GSR: variants seen among roughly 807,000 people sequenced by gnomAD.
GSR encodes the protein glutathione-disulfide reductase, also known as glutathione reductase, mitochondrial.
A neutral mutation model predicts 56.5 loss-of-function variants in GSR; 48 were observed. The ratio of observed to expected loss-of-function variants is 0.85; its 90% CI spans 0.67 to 1.08. The LOEUF is 1.08. GSR is among the 50% of genes least tolerant of loss of function. The probability of loss-of-function intolerance (pLI) is 0.00; values close to 1 mark genes in which losing one functional copy is unlikely to be tolerated. For synonymous variants in GSR, 264 were observed against 270.8 expected, an observed-to-expected ratio of 0.97 and a Z score of 0.25; for missense variants, 694 against 703.3, an observed-to-expected ratio of 0.99 and a Z score of 0.15.
At chr8:30,711,623 G>A (rs1353415065) in intron 2 of GSR, among the ~76,000 whole-genome samples, 5 of 152,144 alleles carry the variant, frequency 3.3e-5, no homozygotes, top group Non-Finnish European at 1.5e-5. Flanking sequence ...CCTGAGGTCA[G>A]GAGTTCGAGA....
At chr8:30,717,706 A>G (rs1417196051) in intron 1 of GSR, among the ~76,000 whole-genome samples, 1 of 152,012 alleles carries the variant, frequency 6.6e-6, no homozygotes, top group Non-Finnish European at 1.5e-5. Context: ...TAGTTGCAGG[A>G]AAACAAGCTC....
intron 9 of GSR, 118 bp downstream of exon 9, chr8:30,689,043 G>A: frequency 2.4e-6 from 2 of 850,726 alleles, no homozygotes; most frequent in Non-Finnish European, 3.9e-6. Flanking sequence ...TGAATACATG[G>A]GAAAAAGAGA....
At chr8:30,685,195 C>T (rs1365203646) in intron 9 of GSR, among the ~76,000 whole-genome samples, 1 of 152,022 alleles carries the variant, frequency 6.6e-6, no homozygotes, top group African/African-American at 2.4e-5. Flanking sequence ...CTCCTGACCT[C>T]GTGATCCACC....
chr8:30,709,239 C>A (rs527658082), intron 3 of GSR, among the ~76,000 whole-genome samples: 3 of 152,142 alleles, frequency 2.0e-5, no homozygotes, highest in East Asian at 3.9e-4. Flanking sequence ...GTGGCACGTG[C>A]CTGTAGTCCC....
chr8:30,689,353 G>A (rs201958981), intron 8 of GSR, 34 bp from the exon 9 acceptor site: 1 of 1,568,796 alleles, frequency 6.4e-7, no homozygotes, highest in South Asian at 1.1e-5. Flanking sequence ...CACATGTGTG[G>A]AGGCTCAGGG....
intron 5 of GSR, among the ~76,000 whole-genome samples, chr8:30,700,722 C>CAAAAAAAAAAAAAAA (rs1563535549): frequency 2.7e-3 from 23 of 8,432 alleles, no homozygotes; most frequent in African/African-American, 3.6e-3. Flanking sequence ...GATTTTGTCT[C>CAAAAAAAAAAAAAAA]CAAAAAAAAA....
intron 8 of GSR, among the ~76,000 whole-genome samples, chr8:30,692,110 A>T (rs1803400502): frequency 9.5e-6 from 1 of 104,806 alleles, no homozygotes; most frequent in Non-Finnish European, 2.3e-5. Flanking sequence ...CTCAAAAAGA[A>T]AAAAAAAAAA....
intron 9 of GSR, 78 bp from the exon 10 acceptor site, chr8:30,684,277 TCCTC>T: frequency 1.2e-6 from 1 of 834,226 alleles, no homozygotes; most frequent in Non-Finnish European, 2.1e-6. Context: ...GGATCTCCCT[TCCTC>T]ATTTCACATG....
chr8:30,711,397 C>A (rs1274459035), intron 2 of GSR, among the ~76,000 whole-genome samples: 1 of 152,190 alleles, frequency 6.6e-6, no homozygotes, highest in East Asian at 1.9e-4. Context: ...ATGTGACCTG[C>A]ACCACAGATA....
chr8:30,682,512 C>A (rs770816427), intron 10 of GSR, among the ~76,000 whole-genome samples: 1 of 152,164 alleles, frequency 6.6e-6, no homozygotes. Context: ...CGACTTGGGT[C>A]GCATCTGCAA....
intron 8 of GSR, among the ~76,000 whole-genome samples, chr8:30,690,818 A>T (rs892820398): frequency 1.3e-5 from 2 of 152,178 alleles, no homozygotes; most frequent in African/African-American, 4.8e-5. Context: ...TAATCTCAAC[A>T]CTTTGGGAGG....
chr8:30,701,120 A>G (rs1322421440), intron 5 of GSR, among the ~76,000 whole-genome samples: 1 of 152,196 alleles, frequency 6.6e-6, no homozygotes, highest in Non-Finnish European at 1.5e-5. Flanking sequence ...TCAGTTGTCA[A>G]CTGCTGATTC....
At chr8:30,711,537 A>G (rs1804141998) in intron 2 of GSR, among the ~76,000 whole-genome samples, 1 of 152,156 alleles carries the variant, frequency 6.6e-6, no homozygotes, top group African/African-American at 2.4e-5. Context: ...TGTGGTGTAG[A>G]TGACCAGGCC....
intron 9 of GSR, among the ~76,000 whole-genome samples, chr8:30,688,578 CAAAAAAAAAAA>C (rs57690198): frequency 7.4e-5 from 6 of 81,544 alleles, no homozygotes; most frequent in African/African-American, 3.1e-4. Flanking sequence ...GACCCTGTCT[CAAAAAAAAAAA>C]AAAAAAAAAG....
At chr8:30,688,792 G>A (rs1803255185) in intron 9 of GSR, among the ~76,000 whole-genome samples, 1 of 151,304 alleles carries the variant, frequency 6.6e-6, no homozygotes, top group African/African-American at 2.4e-5. Context: ...GGGCATTGTG[G>A]CACACACATA....
At chr8:30,721,553 T>A (rs976681590) in intron 1 of GSR, among the ~76,000 whole-genome samples, 13 of 151,720 alleles carry the variant, frequency 8.6e-5, no homozygotes, top group Admixed American at 8.5e-4. Context: ...CTCAGGAGGC[T>A]GAGGTAGGAG....
intron 1 of GSR, among the ~76,000 whole-genome samples, chr8:30,726,622 G>A (rs148374221): frequency 2.0e-5 from 3 of 151,958 alleles, no homozygotes; most frequent in African/African-American, 4.8e-5. Context: ...TTAACTAGGC[G>A]TGGTGATTAG....
chr8:30,726,784 C>T (rs1804739826), intron 1 of GSR: 1 of 152,094 alleles, frequency 6.6e-6, no homozygotes, highest in East Asian at 1.9e-4. Context: ...AACAAAAACC[C>T]TTATTTTCAA....
At chr8:30,710,282 C>T (rs1020035117) in intron 2 of GSR, among the ~76,000 whole-genome samples, 3 of 152,004 alleles carry the variant, frequency 2.0e-5, no homozygotes, top group African/African-American at 7.2e-5. Flanking sequence ...CACTGCTGCA[C>T]TCCAGCCTGA....
Sources: gnomAD v4.1 joint callset for allele counts (sites outside exome capture counted in the v4.1 genomes callset) on GRCh38, gnomAD v4.1.1 for gene constraint, MANE v1.5 for transcripts, NCBI Gene and HGNC (gene_info 2026-07-23, HGNC 2026-07-21) for gene names.